Variants in BRINP3 observed in about 807,000 individuals in gnomAD.
BRINP3 encodes BMP/retinoic acid-inducible neural-specific protein 3.
BRINP3 carries 19 observed loss-of-function variants against 71.0 expected under a neutral mutation model. The ratio of observed to expected loss-of-function variants is 0.27; its 90% CI spans 0.19 to 0.39. BRINP3 has a LOEUF of 0.39. Among genes scored for constraint, BRINP3 ranks in the 10% least tolerant of loss-of-function variants. The pLI, the probability that BRINP3 is intolerant of heterozygous loss-of-function variation, is 1.00. For missense variants in BRINP3, 959 were observed against 940.8 expected (o/e 1.02, Z -0.25); for synonymous variants, 380 against 337.7 (o/e 1.13, Z -1.37).
At chr1:190,192,797 A>G (rs1032576989) in intron 6 of BRINP3, among the ~76,000 whole-genome samples, 2 of 152,160 alleles carry the variant, frequency 1.3e-5, no homozygotes, top group Non-Finnish European at 2.9e-5. Context: ...ACCAGGCTCA[A>G]TAAAACTGGT....
chr1:190,177,354 A>AT (rs1652632760), intron 6 of BRINP3, among the ~76,000 whole-genome samples: 2 of 70,054 alleles, frequency 2.9e-5, no homozygotes, highest in African/African-American at 1.1e-4. Context: ...TTTTTTTTGT[A>AT]TTTTTAGTAG....
At chr1:190,130,986 C>T (rs964198515) in intron 7 of BRINP3, among the ~76,000 whole-genome samples, 2 of 151,870 alleles carry the variant, frequency 1.3e-5, no homozygotes, top group African/African-American at 2.4e-5. Flanking sequence ...TATGCCCTAT[C>T]ACCTTGGGTT....
chr1:190,400,663 C>T lies in BRINP3; in HGVS notation c.236+53992G>A, dbSNP rs938869978. ...AAGTGGATTTGTCACCTATAAGCAC[C>T]ATTCTTCTCATATCTCCATAACAAA... On this transcript the variant is annotated intron_variant, in intron 2 of 7. Transcript: ENST00000367462. Among the ~76,000 whole-genome samples the T allele has an allele frequency of 3.3e-5, 5 of 152,194 alleles. No homozygotes were observed. In the East Asian group the frequency reaches 9.7e-4, roughly 29 times the overall value.
intron 7 of BRINP3, among the ~76,000 whole-genome samples, chr1:190,138,717 G>T (rs971415461): frequency 2.6e-5 from 4 of 152,294 alleles, no homozygotes; most frequent in Middle Eastern, 3.4e-3. Flanking sequence ...GCTTTGCAGA[G>T]ATACCAGCAA....
chr1:190,332,872 T>C (rs1667057763), intron 2 of BRINP3, among the ~76,000 whole-genome samples: 1 of 151,958 alleles, frequency 6.6e-6, no homozygotes, highest in South Asian at 2.1e-4. Context: ...TCCGGGTGTG[T>C]TTCCATGTTG....
chr1:190,363,922 A>C (rs1196135978), intron 2 of BRINP3, among the ~76,000 whole-genome samples: 2 of 152,160 alleles, frequency 1.3e-5, no homozygotes, highest in Non-Finnish European at 2.9e-5. Flanking sequence ...TACAGATTTG[A>C]ATTGATGGGT....
chr1:190,288,065 C>T (rs765318564), intron 2 of BRINP3, among the ~76,000 whole-genome samples: 1 of 151,928 alleles, frequency 6.6e-6, no homozygotes, highest in Non-Finnish European at 1.5e-5. Flanking sequence ...TACAAACATG[C>T]TGTTAATGAT....
At chr1:190,377,665 T>G in intron 2 of BRINP3, among the ~76,000 whole-genome samples, 1 of 150,380 alleles carries the variant, frequency 6.6e-6, no homozygotes, top group Non-Finnish European at 1.5e-5. Context: ...CACAAAGTGT[T>G]AGAGCTAATA....
chr1:190,369,600 A>G (rs1669728396), intron 2 of BRINP3, among the ~76,000 whole-genome samples: 1 of 152,116 alleles, frequency 6.6e-6, no homozygotes, highest in Admixed American at 6.6e-5. Context: ...TGACAAAAAG[A>G]CAATGTGTTT....
At chr1:190,360,038 G>A (rs1669032193) in intron 2 of BRINP3, among the ~76,000 whole-genome samples, 2 of 152,116 alleles carry the variant, frequency 1.3e-5, no homozygotes, top group African/African-American at 4.8e-5. Context: ...GATTAAATTT[G>A]AAAAAGGCAG....
chr1:190,375,420 T>C (rs1254967054), intron 2 of BRINP3, among the ~76,000 whole-genome samples: 4 of 151,846 alleles, frequency 2.6e-5, no homozygotes, highest in African/African-American at 7.2e-5. Flanking sequence ...TAAAAGAAAA[T>C]ATTGATTTTT....
At chr1:190,343,528 T>C (rs1270507679) in intron 2 of BRINP3, among the ~76,000 whole-genome samples, 1 of 151,780 alleles carries the variant, frequency 6.6e-6, no homozygotes, top group African/African-American at 2.4e-5. Context: ...AAAGGAAGGA[T>C]GACATATAAA....
At chr1:190,448,782 T>C (rs2102599793) in intron 2 of BRINP3, among the ~76,000 whole-genome samples, 1 of 152,036 alleles carries the variant, frequency 6.6e-6, no homozygotes, top group South Asian at 2.1e-4. Context: ...TTTTGTTTTT[T>C]CTGGTCACCT....
At chr1:190,107,840 A>G (rs1346160360) in intron 7 of BRINP3, among the ~76,000 whole-genome samples, 1 of 151,098 alleles carries the variant, frequency 6.6e-6, no homozygotes, top group African/African-American at 2.5e-5. Flanking sequence ...TTACTGGGGA[A>G]AATCAAATAA....
chr1:190,387,098 T>C (rs1374843467), intron 2 of BRINP3, among the ~76,000 whole-genome samples: 2 of 152,014 alleles, frequency 1.3e-5, no homozygotes. Flanking sequence ...AATTAATGCA[T>C]GCTTTTCTGG....
At chr1:190,121,214 CTACTGTACTG>C (rs574863975) in intron 7 of BRINP3, among the ~76,000 whole-genome samples, 1 of 152,032 alleles carries the variant, frequency 6.6e-6, no homozygotes, top group Non-Finnish European at 1.5e-5. Context: ...CAGACTGCCA[CTACTGTACTG>C]TACTGTACTG....
chr1:190,231,354 T>A (rs1402588361), intron 5 of BRINP3, among the ~76,000 whole-genome samples: 1 of 151,822 alleles, frequency 6.6e-6, no homozygotes, highest in African/African-American at 2.4e-5. Flanking sequence ...TGAACCATCA[T>A]TAAAAATTAC....
At chr1:190,307,167 GAAATTAA>G (rs1478667417) in intron 2 of BRINP3, among the ~76,000 whole-genome samples, 31 of 145,938 alleles carry the variant, frequency 2.1e-4, no homozygotes, top group Non-Finnish European at 4.5e-5. Flanking sequence ...AATTAGGAAT[GAAATTAA>G]AAATTAAAAC....
intron 7 of BRINP3, among the ~76,000 whole-genome samples, chr1:190,147,906 TG>T (rs1035380618): frequency 1.3e-5 from 2 of 152,176 alleles, no homozygotes; most frequent in African/African-American, 4.8e-5. Context: ...TAAACAGGCC[TG>T]GATGTATGAT....
Sources: gnomAD v4.1 joint callset for allele counts (sites outside exome capture counted in the v4.1 genomes callset) on GRCh38, gnomAD v4.1.1 for gene constraint, MANE v1.5 for transcripts, NCBI Gene and HGNC (gene_info 2026-07-23, HGNC 2026-07-21) for gene names.